The following FAM83B variants were observed in gnomAD, a reference collection of about 807,000 sequenced individuals.
FAM83B encodes protein FAM83B.
Under a neutral mutation model 38.8 loss-of-function variants are expected in FAM83B, and 26 were observed. The observed-to-expected ratio is 0.67, with a 90% CI of 0.49 to 0.93. FAM83B has a LOEUF of 0.93. Among genes scored for constraint, FAM83B ranks in the 40% least tolerant of loss-of-function variants. The pLI is 0.00. For synonymous variants in FAM83B, 419 were observed against 423.1 expected, an observed-to-expected ratio of 0.99 and a Z score of 0.12; for missense variants, 1,237 against 1,197.3, an observed-to-expected ratio of 1.03 and a Z score of -0.49.
At chr6:54,888,027 T>G (rs1027914338) in intron 2 of FAM83B, among the ~76,000 whole-genome samples, 2 of 150,948 alleles carry the variant, frequency 1.3e-5, no homozygotes, top group African/African-American at 4.8e-5. Context: ...GTTTTTTTTT[T>G]TTTCTGTAGG....
At chr6:54,859,361 C>A in intron 1 of FAM83B, among the ~76,000 whole-genome samples, 1 of 152,198 alleles carries the variant, frequency 6.6e-6, no homozygotes, top group Middle Eastern at 3.4e-3. Context: ...CACCCGGCCA[C>A]GGGTATTATG....
At chr6:54,881,021 T>A (rs73742860) in intron 2 of FAM83B, among the ~76,000 whole-genome samples, 1 of 152,218 alleles carries the variant, frequency 6.6e-6, no homozygotes, top group African/African-American at 2.4e-5. Context: ...AGTTGCCTCC[T>A]GTCTTTTTTC....
rs556555779 is a variant in FAM83B, at chr6:54,909,244, T to C, written c.445-17127T>C. ...ACCTTTAGGAGTCTTCTAGCTGTTT[T>C]ATACAGGTGTTCATGCATAAAATAT... On this transcript the variant is annotated intron_variant, in intron 2 of 4. Transcript: ENST00000306858. Among the ~76,000 whole-genome samples the C allele has an allele frequency of 2.0e-3, 302 of 152,322 alleles. 3 individuals are homozygous for C. The highest frequency in any genetic ancestry group is 3.5e-3 in the Non-Finnish European group (235 of 68,014).
chr6:54,848,330 G>A (rs1448735869), intron 1 of FAM83B, among the ~76,000 whole-genome samples: 1 of 152,126 alleles, frequency 6.6e-6, no homozygotes, highest in African/African-American at 2.4e-5. Flanking sequence ...TAGGGTGCTG[G>A]CTACACCCTC....
chr6:54,883,261 C>G (rs1179803962), intron 2 of FAM83B, among the ~76,000 whole-genome samples: 1 of 148,496 alleles, frequency 6.7e-6, no homozygotes, highest in Non-Finnish European at 1.5e-5. Context: ...CATTTTATAC[C>G]TGTTCTTTAA....
At chr6:54,878,874 G>T (rs1772059886) in intron 2 of FAM83B, among the ~76,000 whole-genome samples, 1 of 152,190 alleles carries the variant, frequency 6.6e-6, no homozygotes, top group African/African-American at 2.4e-5. Flanking sequence ...AAATAATTCA[G>T]GTGTGGGGTG....
intron 2 of FAM83B, among the ~76,000 whole-genome samples, chr6:54,908,206 G>A (rs527520167): frequency 6.0e-5 from 9 of 149,088 alleles, no homozygotes; most frequent in Non-Finnish European, 7.4e-5. Flanking sequence ...TCTACTGATA[G>A]AAGTTGTATT....
intron 2 of FAM83B, among the ~76,000 whole-genome samples, chr6:54,890,885 C>T (rs943008672): frequency 6.6e-6 from 1 of 151,990 alleles, no homozygotes; most frequent in African/African-American, 2.4e-5. Context: ...GAATTTTAAA[C>T]TTCCTGTCTT....
chr6:54,856,465 G>A (rs1004589942), intron 1 of FAM83B, among the ~76,000 whole-genome samples: 1 of 152,188 alleles, frequency 6.6e-6, no homozygotes, highest in African/African-American at 2.4e-5. Context: ...GAAGAATTGA[G>A]CACAATTGTA....
intron 2 of FAM83B, among the ~76,000 whole-genome samples, chr6:54,901,025 T>C (rs981942101): frequency 8.5e-5 from 13 of 152,178 alleles, no homozygotes; most frequent in African/African-American, 3.1e-4. Flanking sequence ...TTTGACACTA[T>C]AAAAATGTTG....
intron 2 of FAM83B, among the ~76,000 whole-genome samples, chr6:54,920,149 T>A (rs1054709923): frequency 6.6e-6 from 1 of 151,932 alleles, no homozygotes; most frequent in Non-Finnish European, 1.5e-5. Context: ...GGGCCAAAGG[T>A]ACTTCTTTAT....
chr6:54,882,438 T>G (rs536507147), intron 2 of FAM83B, among the ~76,000 whole-genome samples: 77 of 152,184 alleles, frequency 5.1e-4, no homozygotes, highest in Non-Finnish European at 9.8e-4. Flanking sequence ...AAAAAAATAA[T>G]TTTTTCTAGG....
chr6:54,930,469 CT>C (rs1773395306), intron 4 of FAM83B, among the ~76,000 whole-genome samples: 1 of 151,984 alleles, frequency 6.6e-6, no homozygotes, highest in Admixed American at 6.6e-5. Flanking sequence ...TTCTTAAATC[CT>C]GTATTTCCTC....
At chr6:54,869,853 C>T (rs963276529) in intron 1 of FAM83B, among the ~76,000 whole-genome samples, 1 of 152,198 alleles carries the variant, frequency 6.6e-6, no homozygotes, top group Non-Finnish European at 1.5e-5. Flanking sequence ...CTTAACATTA[C>T]ATCTAGCATA....
At chr6:54,937,129 TGG>T (rs1773538313) in intron 4 of FAM83B, among the ~76,000 whole-genome samples, 1 of 151,780 alleles carries the variant, frequency 6.6e-6, no homozygotes, top group Non-Finnish European at 1.5e-5. Context: ...TGCTTCAATG[TGG>T]AGAGTGTCTC....
At chr6:54,888,903 T>A (rs930980534) in intron 2 of FAM83B, among the ~76,000 whole-genome samples, 1 of 152,092 alleles carries the variant, frequency 6.6e-6, no homozygotes, top group African/African-American at 2.4e-5. Context: ...TTTGTTTGTT[T>A]GTTTGTTTAA....
chr6:54,863,661 C>T (rs945292078), intron 1 of FAM83B, among the ~76,000 whole-genome samples: 2 of 150,744 alleles, frequency 1.3e-5, no homozygotes, highest in African/African-American at 2.4e-5. Flanking sequence ...ACATAATGGG[C>T]TCCAAACCCT....
chr6:54,905,630 A>T (rs239830), intron 2 of FAM83B, among the ~76,000 whole-genome samples: 26,635 of 152,194 alleles, frequency 0.18, 2,508 homozygotes, highest in Middle Eastern at 0.27. Context: ...GTGTGTAAAA[A>T]AGTCTTTACT....
chr6:54,906,548 C>T (rs1381331827), intron 2 of FAM83B, among the ~76,000 whole-genome samples: 1 of 151,972 alleles, frequency 6.6e-6, no homozygotes, highest in African/African-American at 2.4e-5. Flanking sequence ...CTATGCCCAG[C>T]TAATTTTTGT....
Sources: allele counts gnomAD v4.1 joint callset (sites outside exome capture counted in the v4.1 genomes callset), GRCh38; gene constraint gnomAD v4.1.1; transcripts MANE v1.5; gene names NCBI Gene and HGNC (gene_info 2026-07-23, HGNC 2026-07-21).